Variants in UGT1A10 observed in about 807,000 individuals in gnomAD.
The protein encoded by UGT1A10 is UDP-glucuronosyltransferase 1A10.
A neutral mutation model predicts 45.8 loss-of-function variants in UGT1A10; 49 were observed. The observed-to-expected ratio is 1.07, with a 90% CI of 0.85 to 1.36. UGT1A10 has a LOEUF of 1.36. UGT1A10 is among the 40% of genes most tolerant of loss of function. UGT1A10 has a pLI of 0.00. For missense variants in UGT1A10, 745 were observed against 668.6 expected (o/e 1.11, Z -1.26); for synonymous variants, 284 against 249.7 (o/e 1.14, Z -1.29).
At chr2:233,764,672 GA>G (rs1265405107) in intron 1 of UGT1A10, among the ~76,000 whole-genome samples, 2 of 152,116 alleles carry the variant, frequency 1.3e-5, no homozygotes, top group Non-Finnish European at 2.9e-5. Context: ...ACGCTCAGAA[GA>G]AAGAACTTGA....
chr2:233,707,658 T>C (rs988714279), intron 1 of UGT1A10, among the ~76,000 whole-genome samples: 2 of 152,184 alleles, frequency 1.3e-5, no homozygotes, highest in South Asian at 4.1e-4. Context: ...ACCACAATTT[T>C]ATTTATCCAT....
chr2:233,640,484 A>T (rs1196653309), intron 1 of UGT1A10, among the ~76,000 whole-genome samples: 1 of 152,194 alleles, frequency 6.6e-6, no homozygotes, highest in Non-Finnish European at 1.5e-5. Flanking sequence ...TCTCATTTCT[A>T]GCCCATAATT....
chr2:233,682,749 T>A, intron 1 of UGT1A10: 1 of 1,613,926 alleles, frequency 6.2e-7, no homozygotes, highest in Non-Finnish European at 8.5e-7. Context: ...AATATGATCT[T>A]CATTGGTGGT....
Position 233,772,033 on chromosome 2 carries a change from A to C in UGT1A10, c.1296-229A>C, listed in dbSNP as rs33979061. Among the ~76,000 whole-genome samples, 33,182 of 152,170 alleles carry C rather than the reference A, an allele frequency of 0.22. 4,506 individuals carry two copies. Among genetic ancestry groups the C allele is most frequent in the South Asian group, 0.32 (1,549 of 4,822 alleles). On this transcript the variant is annotated intron_variant, in intron 4 of 4. Coordinates refer to ENST00000344644, the MANE Select transcript of UGT1A10 (RefSeq NM_019075.4). ...GAGGCTGAGGCAGGAGGATGGCTTG[A>C]GCCCAGGAGTTGGAGGCTGCAGTTA...
At chr2:233,771,290 T>C (rs1700276789) in intron 4 of UGT1A10, 1 of 152,250 alleles carries the variant, frequency 6.6e-6, no homozygotes, top group African/African-American at 2.4e-5. Context: ...CCTTTTCTTT[T>C]CTACTTCCTC....
Position 233,718,785 on chromosome 2 carries a change from G to A in UGT1A10, c.856-48249G>A, listed in dbSNP as rs544842461. 94 of 1,613,086 alleles carry A rather than the reference G, an allele frequency of 5.8e-5. No homozygotes were observed. The East Asian group carries it at 1.3e-3, about 23-fold the overall frequency. On this transcript the variant is annotated intron_variant, in intron 1 of 4. Transcript: ENST00000344644. ...GAAACAAATGTAGCAGGCACAGCGTGGGGTGGACAGTCAGCTGTCGGTGGC... is the reference window on the plus strand; with the variant it reads ...GAAACAAATGTAGCAGGCACAGCGTAGGGTGGACAGTCAGCTGTCGGTGGC...
intron 1 of UGT1A10, among the ~76,000 whole-genome samples, chr2:233,711,923 C>A (rs946379005): frequency 6.6e-6 from 1 of 152,212 alleles, no homozygotes. Context: ...TGCTCAGGGT[C>A]TCTCCATTAG....
At chr2:233,713,488 C>A (rs758374226) in intron 1 of UGT1A10, 1 of 1,613,950 alleles carries the variant, frequency 6.2e-7, no homozygotes, top group Non-Finnish European at 8.5e-7. Context: ...AAGTACCTGT[C>A]GATTCCTGCT....
rs62191899 is a variant in UGT1A10 at position 233,718,862 on chromosome 2, A to G, written c.856-48172A>G. On this transcript the variant is annotated intron_variant, in intron 1 of 4. Coordinates refer to ENST00000344644, the MANE Select transcript of UGT1A10 (RefSeq NM_019075.4). ...AGGTTCCCCTGCCGCGGCTGGCCACAGGACTGCTGCTCCTCCTCAGTGTCC... is the reference window on the plus strand; with the variant it reads ...AGGTTCCCCTGCCGCGGCTGGCCACGGGACTGCTGCTCCTCCTCAGTGTCC... 3,156 of 1,613,830 alleles carry G rather than the reference A, an allele frequency of 2.0e-3. 12 individuals carry two copies. The highest frequency in any genetic ancestry group is 2.2e-3 in the Non-Finnish European group (2,611 of 1,179,922).
chr2:233,702,602 A>G (rs2075695766), intron 1 of UGT1A10, among the ~76,000 whole-genome samples: 1 of 152,128 alleles, frequency 6.6e-6, no homozygotes, highest in Non-Finnish European at 1.5e-5. Flanking sequence ...TTTTTTGAGT[A>G]GATGCCCCCC....
intron 1 of UGT1A10, chr2:233,691,663 G>T (rs771214471): frequency 5.1e-6 from 5 of 983,276 alleles, no homozygotes; most frequent in Non-Finnish European, 6.0e-6. Flanking sequence ...CTCCCTTTCT[G>T]GGCCTCAGTT....
intron 1 of UGT1A10, among the ~76,000 whole-genome samples, chr2:233,665,471 T>C (rs1436062976): frequency 6.6e-6 from 1 of 152,226 alleles, no homozygotes; most frequent in Non-Finnish European, 1.5e-5. Flanking sequence ...TGTGGCAAAG[T>C]AGTGCCTTGT....
chr2:233,724,618 G>A (rs1325870277), intron 1 of UGT1A10, among the ~76,000 whole-genome samples: 1 of 137,250 alleles, frequency 7.3e-6, no homozygotes, highest in East Asian at 2.4e-4. Flanking sequence ...GGGCAGAGAC[G>A]CTCCTCACTT....
intron 1 of UGT1A10, among the ~76,000 whole-genome samples, chr2:233,690,245 A>G (rs1435694166): frequency 6.6e-6 from 1 of 152,202 alleles, no homozygotes; most frequent in Non-Finnish European, 1.5e-5. Context: ...CAAATTTCTT[A>G]TTTTAAGTCT....
At chr2:233,653,628 G>A (rs555759244) in intron 1 of UGT1A10, among the ~76,000 whole-genome samples, 106 of 152,204 alleles carry the variant, frequency 7.0e-4, no homozygotes, top group African/African-American at 2.3e-3. Context: ...ACAGAGTCTC[G>A]CTGTGTTGCC....
intron 4 of UGT1A10, chr2:233,771,305 T>TC (rs1482676837): frequency 1.3e-5 from 2 of 152,218 alleles, no homozygotes. Context: ...TTCCTCCTCC[T>TC]TTTCCCTCTC....
intron 1 of UGT1A10, among the ~76,000 whole-genome samples, chr2:233,765,022 G>A (rs976641951): frequency 6.6e-6 from 1 of 152,124 alleles, no homozygotes; most frequent in Non-Finnish European, 1.5e-5. Context: ...GGCTTGGCAG[G>A]AGTCCTGCTG....
intron 1 of UGT1A10, chr2:233,691,548 A>G (rs1056565919): frequency 8.1e-6 from 8 of 985,556 alleles, no homozygotes; most frequent in East Asian, 1.1e-4. Flanking sequence ...AGTCTGTTCT[A>G]GTAATTCAAG....
chr2:233,702,774 C>T (rs908895001), intron 1 of UGT1A10, among the ~76,000 whole-genome samples: 2 of 152,132 alleles, frequency 1.3e-5, no homozygotes, highest in East Asian at 3.8e-4. Context: ...AATTGATTTG[C>T]AGGTGTAAAC....
Sources: allele counts gnomAD v4.1 joint callset (sites outside exome capture counted in the v4.1 genomes callset), GRCh38; gene constraint gnomAD v4.1.1; transcripts MANE v1.5; gene names NCBI Gene and HGNC (gene_info 2026-07-23, HGNC 2026-07-21).